EXOC4: variants seen among roughly 807,000 people sequenced by gnomAD.
EXOC4 encodes exocyst complex component 4, also known as SEC8-like 1.
A neutral mutation model predicts 107.2 loss-of-function variants in EXOC4; 71 were observed. The observed-to-expected ratio is 0.66, with a 90% CI of 0.55 to 0.81. EXOC4 has a LOEUF of 0.81. EXOC4 is among the 30% of genes least tolerant of loss of function. The pLI is 0.00. For missense variants in EXOC4, 1,108 were observed against 1,189.6 expected (o/e 0.93, Z 1.01); for synonymous variants, 456 against 441.2 (o/e 1.03, Z -0.42).
chr7:133,762,868 A>G (rs188061085), intron 10 of EXOC4, among the ~76,000 whole-genome samples: 8 of 152,268 alleles, frequency 5.3e-5, no homozygotes, highest in Non-Finnish European at 8.8e-5. Flanking sequence ...AGACATTGAT[A>G]ATGTTTTGAC....
chr7:133,833,039 C>T (rs1033155887), intron 11 of EXOC4, among the ~76,000 whole-genome samples: 5 of 145,708 alleles, frequency 3.4e-5, no homozygotes, highest in Admixed American at 2.9e-4. Context: ...AAAAACACTC[C>T]CTTAACACAC....
At chr7:133,861,155 TCA>T (rs1357158935) in intron 11 of EXOC4, among the ~76,000 whole-genome samples, 9 of 152,172 alleles carry the variant, frequency 5.9e-5, no homozygotes, top group Admixed American at 6.6e-5. Flanking sequence ...ACCTGTGCTT[TCA>T]CAGTCAGCAC....
At chr7:133,529,998 C>G (rs1349310419) in intron 9 of EXOC4, among the ~76,000 whole-genome samples, 1 of 152,072 alleles carries the variant, frequency 6.6e-6, no homozygotes, top group African/African-American at 2.4e-5. Context: ...TTATTTAATC[C>G]TGTAGGTGGT....
At chr7:133,616,741 A>G (rs1209682369) in intron 9 of EXOC4, among the ~76,000 whole-genome samples, 1 of 152,190 alleles carries the variant, frequency 6.6e-6, no homozygotes, top group African/African-American at 2.4e-5. Context: ...CTAATATAGC[A>G]AAGCAAAACA....
intron 11 of EXOC4, among the ~76,000 whole-genome samples, chr7:133,847,252 TA>T (rs1798145273): frequency 6.6e-6 from 1 of 152,180 alleles, no homozygotes; most frequent in African/African-American, 2.4e-5. Context: ...ATAATTTAGA[TA>T]AATAAGATGT....
chr7:133,907,580 G>T (rs1283997854), intron 12 of EXOC4, among the ~76,000 whole-genome samples: 1 of 152,172 alleles, frequency 6.6e-6, no homozygotes, highest in Non-Finnish European at 1.5e-5. Context: ...GCTCACACCT[G>T]TAATCTCAGC....
chr7:133,971,452 TATG>T (rs1350909373), intron 14 of EXOC4, among the ~76,000 whole-genome samples: 2 of 149,274 alleles, frequency 1.3e-5, no homozygotes, highest in Non-Finnish European at 3.0e-5. Context: ...TGTGTATTCT[TATG>T]AGAATATGTG....
the EXOC4 span, among the ~76,000 whole-genome samples, chr7:134,078,146 TC>T: frequency 6.6e-6 from 1 of 152,028 alleles, no homozygotes. Flanking sequence ...CAATCCTGGA[TC>T]CCCCCAGTTT....
intron 17 of EXOC4, among the ~76,000 whole-genome samples, chr7:134,031,517 T>A (rs952192721): frequency 6.6e-6 from 1 of 152,156 alleles, no homozygotes; most frequent in African/African-American, 2.4e-5. Context: ...ACTGTTGTTA[T>A]TAAGAGTTGA....
chr7:133,796,707 G>A lies in EXOC4; in HGVS notation c.1515-20618G>A, dbSNP rs529204135. On this transcript the variant is annotated intron_variant, in intron 10 of 17. Coordinates refer to ENST00000253861, the MANE Select transcript of EXOC4 (RefSeq NM_021807.4). ...TGAGAGGCGGAGGTTGCAGTGAGCCGAGATCGCGCCACTGCATTCCAGCCT... is the reference window on the plus strand; with the variant it reads ...TGAGAGGCGGAGGTTGCAGTGAGCCAAGATCGCGCCACTGCATTCCAGCCT... Among the ~76,000 whole-genome samples, 9 of 152,254 alleles carry A rather than the reference G, an allele frequency of 5.9e-5. No individual in the cohort carries two copies. In the South Asian group the frequency reaches 1.5e-3, roughly 25 times the overall value.
At chr7:133,600,758 G>A (rs999252565) in intron 9 of EXOC4, among the ~76,000 whole-genome samples, 1 of 152,142 alleles carries the variant, frequency 6.6e-6, no homozygotes, top group Non-Finnish European at 1.5e-5. Context: ...GCCTTTTGTG[G>A]GACAGATATG....
intron 11 of EXOC4, among the ~76,000 whole-genome samples, chr7:133,877,762 G>A (rs1026954679): frequency 6.6e-6 from 1 of 152,160 alleles, no homozygotes; most frequent in Non-Finnish European, 1.5e-5. Context: ...GCTCCCGTTT[G>A]CACACATGTG....
At chr7:133,445,504 T>C (rs934886984) in intron 7 of EXOC4, among the ~76,000 whole-genome samples, 2 of 152,192 alleles carry the variant, frequency 1.3e-5, no homozygotes, top group Non-Finnish European at 2.9e-5. Flanking sequence ...TTTCCACTAC[T>C]TCAGTGGTTC....
At chr7:133,710,457 G>A (rs545141833) in intron 10 of EXOC4, among the ~76,000 whole-genome samples, 12 of 151,840 alleles carry the variant, frequency 7.9e-5, no homozygotes, top group South Asian at 2.1e-4. Context: ...TCAGGAGATC[G>A]AGACCATCCT....
intron 11 of EXOC4, among the ~76,000 whole-genome samples, chr7:133,819,279 T>TG (rs1797451555): frequency 6.6e-6 from 1 of 151,310 alleles, no homozygotes; most frequent in Non-Finnish European, 1.5e-5. Context: ...ATGGAATACT[T>TG]TTTTTTTTTT....
intron 11 of EXOC4, among the ~76,000 whole-genome samples, chr7:133,829,144 A>C (rs1585181746): frequency 6.6e-6 from 1 of 152,198 alleles, no homozygotes; most frequent in African/African-American, 2.4e-5. Context: ...ACAAAAGGTA[A>C]AACTGACCAT....
At chr7:133,381,766 A>G (rs182431182) in intron 7 of EXOC4, among the ~76,000 whole-genome samples, 1 of 152,320 alleles carries the variant, frequency 6.6e-6, no homozygotes, top group Admixed American at 6.5e-5. Flanking sequence ...TATGACAGTC[A>G]CTGTGGATAA....
intron 9 of EXOC4, among the ~76,000 whole-genome samples, chr7:133,585,183 C>T (rs1474981725): frequency 1.3e-5 from 2 of 152,174 alleles, no homozygotes; most frequent in African/African-American, 4.8e-5. Flanking sequence ...AGTCTCATTT[C>T]CTCTTCGAAG....
chr7:133,763,554 G>C (rs1456482792), intron 10 of EXOC4, among the ~76,000 whole-genome samples: 1 of 152,074 alleles, frequency 6.6e-6, no homozygotes, highest in African/African-American at 2.4e-5. Flanking sequence ...AACTTCATGA[G>C]GTTGTTGGAA....
Sources: gnomAD v4.1 joint callset for allele counts (sites outside exome capture counted in the v4.1 genomes callset) on GRCh38, gnomAD v4.1.1 for gene constraint, MANE v1.5 for transcripts, NCBI Gene and HGNC (gene_info 2026-07-23, HGNC 2026-07-21) for gene names.